Variants in AFF2 observed in about 807,000 individuals in gnomAD.
AFF2 encodes AF4/FMR2 family member 2.
A neutral mutation model predicts 76.9 loss-of-function variants in AFF2; 14 were observed. That is an observed-to-expected ratio of 0.18 (90% CI 0.12 to 0.28). The LOEUF (loss-of-function observed/expected upper bound fraction) is 0.28, where lower values mean the gene tolerates loss of function less well. Ranked by LOEUF, AFF2 falls within the 10% of genes least tolerant of loss-of-function variation. The probability of loss-of-function intolerance (pLI) is 1.00; values close to 1 mark genes in which losing one functional copy is unlikely to be tolerated. For missense variants in AFF2, 868 were observed against 1,001.1 expected (o/e 0.87, Z 1.79); for synonymous variants, 398 against 366.7 (o/e 1.09, Z -0.98).
intron 3 of AFF2, among the ~76,000 whole-genome samples, chrX:148,789,510 T>G: frequency 9.0e-6 from 1 of 111,663 alleles, no homozygotes; most frequent in South Asian, 3.8e-4. Context: ...CATTTCATAG[T>G]GAGGAGACTT....
chrX:148,909,728 C>T (rs2071448383), intron 9 of AFF2, among the ~76,000 whole-genome samples: 1 of 111,752 alleles, frequency 8.9e-6, no homozygotes, highest in Non-Finnish European at 1.9e-5. Flanking sequence ...TGGTCTATTT[C>T]TCACTATACT....
chrX:148,554,720 T>C (rs1557239426), intron 1 of AFF2, among the ~76,000 whole-genome samples: 1 of 112,751 alleles, frequency 8.9e-6, no homozygotes, highest in Non-Finnish European at 1.9e-5. Context: ...GAGCATGCTA[T>C]CCCTGAATCT....
At chrX:148,630,957 T>G (rs1557252967) in intron 1 of AFF2, among the ~76,000 whole-genome samples, 2 of 112,333 alleles carry the variant, frequency 1.8e-5, no homozygotes, top group Non-Finnish European at 3.8e-5. Context: ...GGCATGAGTT[T>G]CATAATCTTT....
At chrX:148,930,676 A>G (rs1460294881) in intron 9 of AFF2, among the ~76,000 whole-genome samples, 3 of 112,462 alleles carry the variant, frequency 2.7e-5, no homozygotes, top group African/African-American at 9.7e-5. Flanking sequence ...GTGTATCACA[A>G]ATAAAGCAAG....
At chrX:148,933,014 C>A (rs56268470) in intron 9 of AFF2, among the ~76,000 whole-genome samples, 2,349 of 111,767 alleles carry the variant, frequency 0.021, 19 homozygotes, top group Non-Finnish European at 0.033. Context: ...ATATTCTAGA[C>A]AGAAATAAAT....
At chrX:148,667,164 T>C (rs1557258571) in intron 3 of AFF2, among the ~76,000 whole-genome samples, 1 of 112,403 alleles carries the variant, frequency 8.9e-6, no homozygotes, top group Non-Finnish European at 1.9e-5. Flanking sequence ...TGGTGTGGGA[T>C]TTGTCTGTAG....
In AFF2 at chrX:148,578,463, G is replaced by C. The variant is rs113988885; in HGVS notation, c.48-73536G>C. On this transcript the variant is annotated intron_variant, in intron 1 of 20. Transcript: ENST00000370460. ...TATAGACCATGGCATGACACTAATA[G>C]GTGCGTTGAAGGGATCAGCTTTTAT... Among the ~76,000 whole-genome samples the C allele has an allele frequency of 6.9e-3, 771 of 111,584 alleles. 6 individuals carry two copies. The highest frequency in any genetic ancestry group is 0.024 in the African/African-American group (740 of 30,680).
At chrX:148,709,965 A>T (rs1006545255) in intron 3 of AFF2, among the ~76,000 whole-genome samples, 1 of 111,835 alleles carries the variant, frequency 8.9e-6, no homozygotes, top group Non-Finnish European at 1.9e-5. Flanking sequence ...TAAAATAAGA[A>T]TAGGTTCATG....
intron 3 of AFF2, among the ~76,000 whole-genome samples, chrX:148,765,124 G>A (rs782770410): frequency 4.2e-4 from 47 of 111,917 alleles, no homozygotes; most frequent in Non-Finnish European, 7.7e-4. Context: ...GGGCCCGAGC[G>A]ATCCTCACGC....
chrX:148,921,345 G>A (rs782036758), intron 9 of AFF2, among the ~76,000 whole-genome samples: 9 of 111,792 alleles, frequency 8.1e-5, no homozygotes, highest in African/African-American at 9.8e-5. Flanking sequence ...AACAATCACC[G>A]CAATCAATTT....
intron 4 of AFF2, among the ~76,000 whole-genome samples, chrX:148,830,472 A>C (rs1348456913): frequency 8.9e-6 from 1 of 111,836 alleles, no homozygotes; most frequent in Non-Finnish European, 1.9e-5. Flanking sequence ...ATTATTTCAC[A>C]TAGGTTCTTT....
chrX:148,850,967 G>A (rs1557275276), intron 7 of AFF2, among the ~76,000 whole-genome samples: 1 of 112,278 alleles, frequency 8.9e-6, no homozygotes, highest in Non-Finnish European at 1.9e-5. Flanking sequence ...TAACAGCAGT[G>A]TAGACAAGCT....
Position 148,528,071 on chromosome X carries a change from C to G in AFF2, c.47+26927C>G, listed in dbSNP as rs146276143. Among the ~76,000 whole-genome samples the G allele has an allele frequency of 7.3e-3, 815 of 112,181 alleles. 7 individuals carry two copies. The highest frequency in any genetic ancestry group is 0.025 in the African/African-American group (782 of 30,845). On this transcript the variant is annotated intron_variant, in intron 1 of 20. Transcript: ENST00000370460. ...GGTAGTGTCCTGTAATTGCAGATTT[C>G]AACTGTTTTCATATGCTTAGAGTAG...
intron 9 of AFF2, among the ~76,000 whole-genome samples, chrX:148,919,440 C>A (rs974245354): frequency 1.8e-5 from 2 of 110,772 alleles, no homozygotes; most frequent in African/African-American, 6.5e-5. Context: ...CATAATGAAA[C>A]CTCATGTCGA....
chrX:148,976,801 CAAAG>C (rs1557290317), intron 16 of AFF2, among the ~76,000 whole-genome samples: 1 of 112,449 alleles, frequency 8.9e-6, no homozygotes, highest in Non-Finnish European at 1.9e-5. Context: ...ATCCAACTGT[CAAAG>C]AAAGCTAGAT....
chrX:148,555,188 G>A (rs1386565878), intron 1 of AFF2, among the ~76,000 whole-genome samples: 1 of 111,942 alleles, frequency 8.9e-6, no homozygotes, highest in Non-Finnish European at 1.9e-5. Flanking sequence ...CTCACATGTT[G>A]TGTAAGCTGC....
At chrX:148,879,611 A>T (rs781786262) in intron 7 of AFF2, among the ~76,000 whole-genome samples, 6 of 111,939 alleles carry the variant, frequency 5.4e-5, no homozygotes, top group Non-Finnish European at 5.6e-5. Flanking sequence ...CAACTACTCA[A>T]CCTGGCCATT....
chrX:148,636,273 T>G (rs187400853), intron 1 of AFF2, among the ~76,000 whole-genome samples: 119 of 111,899 alleles, frequency 1.1e-3, no homozygotes, highest in Middle Eastern at 4.6e-3. Flanking sequence ...TAACAATAAA[T>G]TATGTTAAAC....
At chrX:148,534,457 G>A (rs927422309) in intron 1 of AFF2, among the ~76,000 whole-genome samples, 16 of 112,962 alleles carry the variant, frequency 1.4e-4, no homozygotes, top group African/African-American at 4.8e-4. Flanking sequence ...GGCATCACAT[G>A]TTTATTTTGG....
Sources: gnomAD v4.1 joint callset for allele counts (sites outside exome capture counted in the v4.1 genomes callset) on GRCh38, gnomAD v4.1.1 for gene constraint, MANE v1.5 for transcripts, NCBI Gene and HGNC (gene_info 2026-07-23, HGNC 2026-07-21) for gene names.